SATL1: variants seen among roughly 807,000 people sequenced by gnomAD.
The protein encoded by SATL1 is spermidine/spermine N1-acetyl transferase like 1, also known as spermidine/spermine N(1)-acetyltransferase-like protein 1.
A neutral mutation model predicts 51.8 loss-of-function variants in SATL1; 47 were observed. That is an observed-to-expected ratio of 0.91 (90% CI 0.72 to 1.16). The LOEUF (loss-of-function observed/expected upper bound fraction) is 1.16. Among genes scored for constraint, SATL1 ranks in the 50% most tolerant of loss-of-function variants. The pLI, the probability that SATL1 is intolerant of heterozygous loss-of-function variation, is 0.00. For synonymous variants in SATL1, 176 were observed against 182.4 expected (o/e 0.97, Z 0.28); for missense variants, 520 against 526.4 (o/e 0.99, Z 0.12).
At chrX:85,157,952 A>T (rs1384120280) in intron 2 of SATL1, among the ~76,000 whole-genome samples, 1 of 111,602 alleles carries the variant, frequency 9.0e-6, no homozygotes, top group Non-Finnish European at 1.9e-5. Flanking sequence ...GCAGAAATGG[A>T]CTACAGGTTA....
At chrX:85,187,264 G>A (rs938942756) in intron 2 of SATL1, among the ~76,000 whole-genome samples, 2 of 111,282 alleles carry the variant, frequency 1.8e-5, no homozygotes, top group Non-Finnish European at 3.8e-5. Flanking sequence ...CTATATAAAA[G>A]ACCATGTCAT....
chrX:85,112,059 A>C (rs1028657553), intron 2 of SATL1, among the ~76,000 whole-genome samples: 5 of 111,845 alleles, frequency 4.5e-5, no homozygotes, highest in Non-Finnish European at 9.4e-5. Context: ...GTTTATTAAA[A>C]AGTTTTAGAG....
chrX:85,233,085 A>C (rs1022526165), intron 1 of SATL1, among the ~76,000 whole-genome samples: 6 of 112,227 alleles, frequency 5.3e-5, no homozygotes, highest in African/African-American at 1.9e-4. Context: ...AGCTCCAGGC[A>C]GCTCAGCACA....
chrX:85,108,335 C>G lies in SATL1; in HGVS notation c.634G>C (p.Asp212His), dbSNP rs1447607662. The change falls in exon 3 of 8, where the codon GAC (aspartate) becomes CAC (histidine). Residue 212 changes from aspartate to histidine, a missense_variant. Asp to His is a moderately conservative substitution (Grantham distance 81). This residue lies in a region of SATL1 where 488 missense variants were observed against 474.3 expected (regional missense o/e 1.03). Coordinates refer to ENST00000644105, the MANE Select transcript of SATL1 (RefSeq NM_001367857.2). ...GISQQVPSHP[D>H]MSQPGMSQQV... ...TGGCTCATGCCTGGTTGACTCATGT[C>G]TGGGTGGCTTGGGACTTGCTGGCTG... 7 of 1,209,619 alleles carry G rather than the reference C, an allele frequency of 5.8e-6. No individual in the cohort carries two copies. Among genetic ancestry groups the G allele is most frequent in the African/African-American group, 1.8e-5 (1 of 56,999 alleles).
At chrX:85,174,358 T>C (rs1192051518) in intron 2 of SATL1, among the ~76,000 whole-genome samples, 3 of 109,151 alleles carry the variant, frequency 2.7e-5, no homozygotes, top group Non-Finnish European at 5.7e-5. Flanking sequence ...GTCTCACTCT[T>C]GTTGCCCAGG....
chrX:85,181,623 A>C (rs778840357), intron 2 of SATL1, among the ~76,000 whole-genome samples: 2 of 110,735 alleles, frequency 1.8e-5, no homozygotes, highest in Non-Finnish European at 3.8e-5. Context: ...AATCATACTC[A>C]AATTATTTCA....
chrX:85,095,781 C>G (rs947157136), intron 4 of SATL1, among the ~76,000 whole-genome samples: 2 of 92,275 alleles, frequency 2.2e-5, no homozygotes, highest in Admixed American at 1.2e-4. Flanking sequence ...AGCCGAGATC[C>G]CGCCACTGCA....
intron 2 of SATL1, chrX:85,117,368 G>C (rs1378379936): frequency 1.8e-5 from 2 of 111,676 alleles, no homozygotes; most frequent in African/African-American, 3.3e-5. Context: ...AGACCCACAT[G>C]TATTTGCCAC....
At chrX:85,138,938 TG>T (rs776476595) in intron 2 of SATL1, among the ~76,000 whole-genome samples, 66 of 111,998 alleles carry the variant, frequency 5.9e-4, no homozygotes, top group African/African-American at 2.1e-3. Flanking sequence ...AGAAATGAGA[TG>T]GGAGCCAATG....
rs1280373593 is a variant in SATL1 at position 85,108,646 on chromosome X, T to C, written c.323A>G (p.Asp108Gly). 1 of 1,200,119 alleles carries C rather than the reference T, an allele frequency of 8.3e-7. No homozygotes were observed. The highest frequency in any genetic ancestry group is 1.1e-6 in the Non-Finnish European group (1 of 889,786). The change falls in exon 3 of 8, where the codon GAC becomes GGC. Residue 108 changes from aspartate (D) to glycine (G), a missense_variant. By Grantham distance (94) the Asp-to-Gly change is moderately conservative. Transcript: ENST00000644105. Reference protein sequence around the residue: ...VLSKAGISQPDPSQPGPSQSG... With the variant: ...VLSKAGISQPGPSQPGPSQSG... ...TTGGCTTGGGCCTGGTTGCGATGGG[T>C]CTGGTTGGCTTATGCCTGCTTTGCT...
At chrX:85,193,080 GATATGCAA>G (rs1927475126) in intron 2 of SATL1, among the ~76,000 whole-genome samples, 3 of 111,561 alleles carry the variant, frequency 2.7e-5, no homozygotes, top group African/African-American at 9.8e-5. Context: ...GTACTTTTAC[GATATGCAA>G]ATGTCAGGGA....
chrX:85,130,594 C>T (rs934201890), intron 2 of SATL1, among the ~76,000 whole-genome samples: 1 of 111,568 alleles, frequency 9.0e-6, no homozygotes, highest in Non-Finnish European at 1.9e-5. Flanking sequence ...TTTCAAAAAA[C>T]CAGCTCCTAG....
At position 85,108,837 on chromosome X, in the gene SATL1, C is replaced by T; in HGVS notation, c.132G>A (p.Met44Ile). 1 of 1,211,777 alleles carries T rather than the reference C, an allele frequency of 8.3e-7. No individual in the cohort carries two copies. The highest frequency in any genetic ancestry group is 2.2e-5 in the Admixed American group (1 of 46,029). ...MNQGSASLYE[M>I]NQVDMKQPSM... is the part of the protein sequence containing the mutation. The stretch of plus-strand genomic sequence containing the variant: ...TTGGTTGTTTCATGTCCACTTGGTT[C>T]ATTTCATATAGGCTTGCACTCCCTT... Residue 44 changes from methionine (M) to isoleucine (I), a missense_variant, in exon 3 of 8, where the codon ATG (methionine) becomes ATA (isoleucine). Coordinates refer to ENST00000644105, the MANE Select transcript of SATL1 (RefSeq NM_001367857.2).
At chrX:85,105,629 G>T (rs1925019565) in intron 3 of SATL1, among the ~76,000 whole-genome samples, 1 of 111,171 alleles carries the variant, frequency 9.0e-6, no homozygotes, top group Admixed American at 9.6e-5. Context: ...AGTATAAAAT[G>T]AGTTCATACA....
chrX:85,144,826 A>G (rs1926191396), intron 2 of SATL1, among the ~76,000 whole-genome samples: 1 of 111,306 alleles, frequency 9.0e-6, no homozygotes, highest in Non-Finnish European at 1.9e-5. Flanking sequence ...CAGAAGTTCA[A>G]GACCAGCCTG....
chrX:85,167,310 A>G (rs1035554471), intron 2 of SATL1, among the ~76,000 whole-genome samples: 4 of 108,789 alleles, frequency 3.7e-5, no homozygotes, highest in Non-Finnish European at 7.6e-5. Flanking sequence ...ACACTTGTTC[A>G]GTTGATGGGT....
At chrX:85,134,525 C>G (rs1334468180) in intron 2 of SATL1, among the ~76,000 whole-genome samples, 1 of 111,063 alleles carries the variant, frequency 9.0e-6, no homozygotes, top group Non-Finnish European at 1.9e-5. Flanking sequence ...GAGAGGCAGT[C>G]CTATATATAG....
chrX:85,143,737 G>T (rs992949043), intron 2 of SATL1, among the ~76,000 whole-genome samples: 2 of 110,959 alleles, frequency 1.8e-5, no homozygotes, highest in African/African-American at 6.5e-5. Flanking sequence ...TAACATGTTT[G>T]TCTCTGATCT....
intron 2 of SATL1, among the ~76,000 whole-genome samples, chrX:85,164,597 G>A: frequency 9.0e-6 from 1 of 111,518 alleles, no homozygotes; most frequent in South Asian, 3.8e-4. Context: ...GGTTTCTGCT[G>A]AGAAATCTGC....
Sources: gnomAD v4.1 joint callset for allele counts (sites outside exome capture counted in the v4.1 genomes callset) on GRCh38, gnomAD v4.1.1 for gene constraint, gnomAD v4.1.1 regional missense constraint, MANE v1.5 for transcripts, NCBI Gene and HGNC (gene_info 2026-07-23, HGNC 2026-07-21) for gene names.